PCDHA1: variants seen among roughly 807,000 people sequenced by gnomAD.
PCDHA1 encodes the protein protocadherin alpha-1.
Under a neutral mutation model 61.3 loss-of-function variants are expected in PCDHA1, and 42 were observed. The ratio of observed to expected loss-of-function variants is 0.69; its 90% confidence interval spans 0.54 to 0.89. PCDHA1 has a LOEUF of 0.89. PCDHA1 is among the 40% of genes least tolerant of loss of function. PCDHA1 has a pLI of 0.00. For synonymous variants in PCDHA1, 610 were observed against 553.8 expected (o/e 1.10, Z -1.43); for missense variants, 1,256 against 1,235.3 (o/e 1.02, Z -0.25).
chr5:140,942,223 G>A (rs1334170178), intron 1 of PCDHA1, among the ~76,000 whole-genome samples: 4 of 152,064 alleles, frequency 2.6e-5, no homozygotes, highest in African/African-American at 9.7e-5. Flanking sequence ...TTTAAAATGT[G>A]TAGGCAAATA....
intron 1 of PCDHA1, among the ~76,000 whole-genome samples, chr5:140,844,624 A>G (rs1293220990): frequency 6.7e-6 from 1 of 149,582 alleles, no homozygotes; most frequent in Non-Finnish European, 1.5e-5. Context: ...TTTCATCAGA[A>G]AAACTATACA....
chr5:140,801,578 T>C, intron 1 of PCDHA1: 1 of 1,614,234 alleles, frequency 6.2e-7, no homozygotes, highest in Non-Finnish European at 8.5e-7. Flanking sequence ...AGGACATTAA[T>C]GACAACGCGC....
chr5:140,848,776 A>G (rs2150250036), intron 1 of PCDHA1: 1 of 1,593,226 alleles, frequency 6.3e-7, no homozygotes, highest in East Asian at 2.2e-5. Flanking sequence ...GACCGCGAGG[A>G]GCTGTGCGGG....
chr5:140,994,637 G>A (rs1355719166), intron 3 of PCDHA1, among the ~76,000 whole-genome samples: 1 of 152,078 alleles, frequency 6.6e-6, no homozygotes, highest in Non-Finnish European at 1.5e-5. Context: ...CCTGGAAGGT[G>A]GAGGTTGCAG....
intron 1 of PCDHA1, chr5:140,806,858 A>G: frequency 3.1e-6 from 1 of 327,838 alleles, no homozygotes; most frequent in Non-Finnish European, 5.6e-6. Context: ...AATCAGTGGT[A>G]CAATGTGTAC....
At chr5:140,835,561 T>A (rs1304711365) in intron 1 of PCDHA1, 6 of 1,613,806 alleles carry the variant, frequency 3.7e-6, no homozygotes, top group Admixed American at 1.7e-5. Context: ...ACGCCCCGCG[T>A]TCCCTTCAAG....
chr5:140,838,969 A>G (rs1274095738), intron 1 of PCDHA1, among the ~76,000 whole-genome samples: 1 of 152,050 alleles, frequency 6.6e-6, no homozygotes, highest in Non-Finnish European at 1.5e-5. Flanking sequence ...CCCAGAACTG[A>G]CAATTTTCAC....
chr5:140,847,199 C>A (rs2150397998), intron 1 of PCDHA1, among the ~76,000 whole-genome samples: 1 of 149,422 alleles, frequency 6.7e-6, no homozygotes, highest in Non-Finnish European at 1.5e-5. Context: ...AGGAATTTGG[C>A]CACTCTTTAG....
chr5:140,960,993 A>G (rs1053601284), intron 1 of PCDHA1, among the ~76,000 whole-genome samples: 1 of 152,140 alleles, frequency 6.6e-6, no homozygotes, highest in Non-Finnish European at 1.5e-5. Context: ...AAAATGCTCA[A>G]TTTGCTGCTG....
rs1374033579 is a variant in PCDHA1 at position 140,786,325 on chromosome 5, G to A, written c.35G>A (p.Arg12Gln). Residue 12 changes from arginine (R) to glutamine (Q), a missense_variant, in exon 1 of 4, where the codon CGG (arginine) becomes CAG (glutamine). Arg to Gln is a conservative substitution (Grantham distance 43). Transcript: ENST00000504120. The stretch of plus-strand genomic sequence containing the variant: ...TCTAGGAGAGGGGGCCTGGGAGCCC[G>A]GGATCTGCTTCTTTGGCTTCTGCTC... ...VFSRRGGLGA[R>Q]DLLLWLLLLA... 6 of 1,612,224 alleles carry A rather than the reference G, an allele frequency of 3.7e-6. No homozygotes were observed. Among genetic ancestry groups the A allele is most frequent in the Admixed American group, 1.7e-5 (1 of 59,826 alleles).
At chr5:140,968,397 A>G in intron 1 of PCDHA1, 7 of 1,613,892 alleles carry the variant, frequency 4.3e-6, no homozygotes, top group Non-Finnish European at 5.9e-6. Context: ...AAGTTTCGGG[A>G]GTTCTTTGTG....
chr5:140,787,390 C>T lies in PCDHA1; in HGVS notation c.1100C>T (p.Thr367Ile). The change falls in exon 1 of 4, where the codon ACC becomes ATC. Residue 367 changes from threonine (T) to isoleucine (I), a missense_variant. Coordinates refer to ENST00000504120, the MANE Select transcript of PCDHA1 (RefSeq NM_018900.4). ...ATCAGAGAGGACGCTCCACTCAGCA[C>T]CGTCATCGCCCTCATCACCGTGTCT... ...LPIREDAPLS[T>I]VIALITVSDR... is the part of the protein sequence containing the mutation. The T allele has an allele frequency of 6.2e-7, 1 of 1,614,240 alleles. No homozygotes were observed. Among genetic ancestry groups the T allele is most frequent in the Non-Finnish European group, 8.5e-7 (1 of 1,180,046 alleles).
chr5:140,789,466 C>A (rs1433971274), intron 1 of PCDHA1, among the ~76,000 whole-genome samples: 1 of 152,088 alleles, frequency 6.6e-6, no homozygotes, highest in Non-Finnish European at 1.5e-5. Flanking sequence ...AAAACAAAAA[C>A]AAACCAAAAC....
At chr5:140,967,803 C>T (rs1042188546) in intron 1 of PCDHA1, 3 of 1,614,066 alleles carry the variant, frequency 1.9e-6, no homozygotes, top group Admixed American at 3.3e-5. Flanking sequence ...GTGCCCATGG[C>T]AGGTCACTGC....
At chr5:140,929,213 A>G (rs199608631) in intron 1 of PCDHA1, 6 of 1,613,934 alleles carry the variant, frequency 3.7e-6, no homozygotes, top group Admixed American at 1.7e-5. Context: ...TTGCGTGGGG[A>G]GTACAATGCT....
rs2150408598 is a variant in PCDHA1, at chr5:140,848,320, T to A, written c.2394+59636T>A. The A allele has an allele frequency of 6.9e-5, 53 of 763,546 alleles. 1 individual carries two copies. The highest frequency in any genetic ancestry group is 1.0e-4 in the Non-Finnish European group (48 of 466,870). 47.3% of individuals were successfully genotyped at this position (763,546 alleles called of 1,614,324 possible). A position where few individuals can be genotyped will look rare whatever the true frequency, so the allele number is the denominator to read the frequency against. ...CGTGATGTCACTCTTTGCCGCGATG[T>A]TCTCTCTGAATCCAGACAAATACAG... is the stretch of plus-strand genomic sequence containing the variant. On this transcript the variant is annotated intron_variant, in intron 1 of 3. Transcript: ENST00000504120.
At chr5:140,802,718 C>A in intron 1 of PCDHA1, 1 of 1,612,590 alleles carries the variant, frequency 6.2e-7, no homozygotes, top group South Asian at 1.1e-5. Flanking sequence ...TGTCGAGCTA[C>A]GTGTCGGTAC....
chr5:140,980,363 G>A (rs1477868054), intron 2 of PCDHA1, among the ~76,000 whole-genome samples: 1 of 152,204 alleles, frequency 6.6e-6, no homozygotes, highest in Non-Finnish European at 1.5e-5. Context: ...TGGGCGCGGT[G>A]GCTCACACCT....
chr5:140,901,857 G>A (rs782415424), intron 1 of PCDHA1, among the ~76,000 whole-genome samples: 4 of 151,902 alleles, frequency 2.6e-5, no homozygotes, highest in African/African-American at 4.8e-5. Flanking sequence ...CCATTTTTTT[G>A]TGTCCTCTTC....
Sources: allele counts gnomAD v4.1 joint callset (sites outside exome capture counted in the v4.1 genomes callset), GRCh38; gene constraint gnomAD v4.1.1; transcripts MANE v1.5; gene names NCBI Gene and HGNC (gene_info 2026-07-23, HGNC 2026-07-21).